The following NRP1 variants were observed in gnomAD, a reference collection of about 807,000 sequenced individuals.
The protein encoded by NRP1 is neuropilin-1.
In NRP1, 35 loss-of-function variants were observed where a neutral mutation model predicts 106.7. That is an observed-to-expected ratio of 0.33 (90% CI 0.25 to 0.43). The LOEUF is 0.43. Among genes scored for constraint, NRP1 ranks in the 20% least tolerant of loss-of-function variants. The pLI is 1.00. For synonymous variants in NRP1, 437 were observed against 417.9 expected (o/e 1.05, Z -0.56); for missense variants, 1,024 against 1,170.4 (o/e 0.87, Z 1.83).
intron 6 of NRP1, among the ~76,000 whole-genome samples, chr10:33,232,962 A>G (rs1313898591): frequency 3.9e-5 from 6 of 152,042 alleles, no homozygotes; most frequent in African/African-American, 1.2e-4. Context: ...ACCACTTTCT[A>G]AGTTATAATA....
At chr10:33,232,121 C>A (rs1277174946) in intron 6 of NRP1, among the ~76,000 whole-genome samples, 1 of 152,108 alleles carries the variant, frequency 6.6e-6, no homozygotes, top group Non-Finnish European at 1.5e-5. Flanking sequence ...ACGTCACATG[C>A]TAATAGGCAA....
At chr10:33,322,532 C>T (rs912727215) in intron 2 of NRP1, among the ~76,000 whole-genome samples, 2 of 152,048 alleles carry the variant, frequency 1.3e-5, no homozygotes, top group Non-Finnish European at 2.9e-5. Context: ...TACAGGTGTG[C>T]ACCACCACAA....
rs1229767110 is a variant in NRP1 at position 33,271,436 on chromosome 10, C to T, written c.249-580G>A. Among the ~76,000 whole-genome samples the T allele has an allele frequency of 2.0e-5, 3 of 152,208 alleles. No individual in the cohort carries two copies. In the East Asian group the frequency reaches 5.8e-4, roughly 29 times the overall value. Reference sequence around the variant, plus strand: ...CAGTAGCCACATCCAATAGTTAAAACACAGATTATCTTCCCCCAAATGACA... The same window carrying T: ...CAGTAGCCACATCCAATAGTTAAAATACAGATTATCTTCCCCCAAATGACA... On this transcript the variant is annotated intron_variant, in intron 2 of 16. Transcript: ENST00000374867.
In NRP1 at chr10:33,186,355, G is replaced by T. The variant is rs376053165; in HGVS notation, c.2196C>A (p.His732Gln). The change falls in exon 14 of 17, where the codon CAC becomes CAA. Residue 732 changes from histidine to glutamine, a missense_variant. By Grantham distance (24) the His-to-Gln change is conservative. Around this residue, in one of 5 missense-constraint regions of NRP1, gnomAD observed 562 missense variants for 620.3 expected, o/e 0.91. Transcript: ENST00000374867. ...MTFWYHMSGS[H>Q]VGTLRVKLRY... ...GCAGTTTGACCCTGAGTGTGCCGAC[G>T]TGGGACCCAGACATGTGATACCAGA... is the stretch of plus-strand genomic sequence containing the variant. 2.0e-5 allele frequency: 32 copies of T among 1,613,986 alleles called. No individual in the cohort carries two copies. The African/African-American group carries it at 4.0e-4, about 20-fold the overall frequency.
intron 3 of NRP1, among the ~76,000 whole-genome samples, chr10:33,265,204 A>G (rs1043101182): frequency 6.6e-6 from 1 of 152,186 alleles, no homozygotes; most frequent in Non-Finnish European, 1.5e-5. Context: ...CAGTCCCTGA[A>G]TACCACCTGC....
intron 13 of NRP1, among the ~76,000 whole-genome samples, chr10:33,189,536 G>A (rs565977819): frequency 3.3e-5 from 5 of 152,274 alleles, no homozygotes; most frequent in African/African-American, 7.2e-5. Context: ...TCCTTTACAC[G>A]TGTATTTCCA....
At chr10:33,248,395 G>C (rs146845160) in intron 6 of NRP1, among the ~76,000 whole-genome samples, 3 of 152,280 alleles carry the variant, frequency 2.0e-5, no homozygotes, top group African/African-American at 2.4e-5. Context: ...AACCCTAAAG[G>C]CCATTTAGAT....
chr10:33,268,542 A>G (rs1843080274), intron 3 of NRP1, among the ~76,000 whole-genome samples: 1 of 152,232 alleles, frequency 6.6e-6, no homozygotes, highest in South Asian at 2.1e-4. Context: ...ACTAACAGAT[A>G]CGTAGGGAGC....
chr10:33,222,574 G>A (rs539416706), intron 7 of NRP1, among the ~76,000 whole-genome samples: 41 of 151,934 alleles, frequency 2.7e-4, no homozygotes, highest in African/African-American at 9.7e-4. Context: ...AGGCTGGAGT[G>A]CAGTGATGCG....
intron 6 of NRP1, among the ~76,000 whole-genome samples, chr10:33,229,662 A>G (rs1159114071): frequency 2.6e-5 from 4 of 152,142 alleles, no homozygotes; most frequent in South Asian, 2.1e-4. Context: ...ATTACTAAGT[A>G]GGAAAGAAGT....
At chr10:33,240,351 G>A (rs1840918365) in intron 6 of NRP1, among the ~76,000 whole-genome samples, 1 of 152,170 alleles carries the variant, frequency 6.6e-6, no homozygotes, top group South Asian at 2.1e-4. Flanking sequence ...TTATCTGCAC[G>A]ATTGGGTGAT....
intron 11 of NRP1, among the ~76,000 whole-genome samples, chr10:33,199,156 C>G (rs1416423657): frequency 6.6e-6 from 1 of 151,826 alleles, no homozygotes; most frequent in Non-Finnish European, 1.5e-5. Context: ...CACCTGTCCT[C>G]TCCAGACCTA....
At chr10:33,280,579 T>C (rs1588910316) in intron 2 of NRP1, among the ~76,000 whole-genome samples, 1 of 152,220 alleles carries the variant, frequency 6.6e-6, no homozygotes, top group African/African-American at 2.4e-5. Context: ...AGAGTTTATA[T>C]AGCAAGTCCA....
chr10:33,230,725 A>G (rs1238144227), intron 6 of NRP1, among the ~76,000 whole-genome samples: 5 of 152,002 alleles, frequency 3.3e-5, no homozygotes, highest in Non-Finnish European at 7.4e-5. Context: ...TCCACAACTT[A>G]TCACCCATTG....
chr10:33,239,475 G>A (rs1046975750), intron 6 of NRP1, among the ~76,000 whole-genome samples: 4 of 152,214 alleles, frequency 2.6e-5, no homozygotes, highest in Admixed American at 6.5e-5. Context: ...ATGTTAAGGT[G>A]TTTGAGCAAC....
intron 6 of NRP1, among the ~76,000 whole-genome samples, chr10:33,239,604 G>A (rs140180553): frequency 2.0e-5 from 3 of 152,176 alleles, no homozygotes; most frequent in Admixed American, 6.5e-5. Flanking sequence ...TAAAACTAGA[G>A]TCTGCTAACT....
At chr10:33,256,910 A>T (rs148104607) in intron 4 of NRP1, among the ~76,000 whole-genome samples, 1 of 152,196 alleles carries the variant, frequency 6.6e-6, no homozygotes, top group Non-Finnish European at 1.5e-5. Flanking sequence ...GATTCTGGGG[A>T]TGCTGATGTC....
chr10:33,193,492 C>A (rs1198677134), intron 12 of NRP1, among the ~76,000 whole-genome samples: 3 of 152,168 alleles, frequency 2.0e-5, no homozygotes, highest in African/African-American at 4.8e-5. Flanking sequence ...TGACGAAGGG[C>A]CTTTAGGCTT....
At chr10:33,289,358 A>G (rs998099556) in intron 2 of NRP1, among the ~76,000 whole-genome samples, 2 of 152,178 alleles carry the variant, frequency 1.3e-5, no homozygotes, top group African/African-American at 2.4e-5. Context: ...TTCGTTACCT[A>G]ACGCCTATTA....
Sources: gnomAD v4.1 joint callset for allele counts (sites outside exome capture counted in the v4.1 genomes callset) on GRCh38, gnomAD v4.1.1 for gene constraint, gnomAD v4.1.1 regional missense constraint, MANE v1.5 for transcripts, NCBI Gene and HGNC (gene_info 2026-07-23, HGNC 2026-07-21) for gene names.